Variants in CTNNA3 observed in about 807,000 individuals in gnomAD.
CTNNA3 encodes catenin alpha-3.
In CTNNA3, 76 loss-of-function variants were observed where a neutral mutation model predicts 95.7. The ratio of observed to expected loss-of-function variants is 0.79; its 90% CI spans 0.66 to 0.96. The LOEUF (loss-of-function observed/expected upper bound fraction) is 0.96. CTNNA3 is among the 40% of genes least tolerant of loss of function. The pLI, the probability that CTNNA3 is intolerant of heterozygous loss-of-function variation, is 0.00. For synonymous variants in CTNNA3, 431 were observed against 374.4 expected, an observed-to-expected ratio of 1.15 and a Z score of -1.74; for missense variants, 1,191 against 1,089.8, an observed-to-expected ratio of 1.09 and a Z score of -1.31.
At chr10:66,351,932 A>G (rs2092569867) in intron 12 of CTNNA3, among the ~76,000 whole-genome samples, 1 of 152,044 alleles carries the variant, frequency 6.6e-6, no homozygotes, top group African/African-American at 2.4e-5. Flanking sequence ...TATCAATTTC[A>G]CATGCATCCA....
intron 1 of CTNNA3, among the ~76,000 whole-genome samples, chr10:67,654,085 G>T (rs1031225729): frequency 6.6e-6 from 1 of 152,184 alleles, no homozygotes; most frequent in African/African-American, 2.4e-5. Flanking sequence ...CCCCTCAAGT[G>T]CAAGACAGCC....
At chr10:67,212,306 T>C (rs1864171712) in intron 6 of CTNNA3, among the ~76,000 whole-genome samples, 1 of 151,982 alleles carries the variant, frequency 6.6e-6, no homozygotes, top group Non-Finnish European at 1.5e-5. Flanking sequence ...CACTCCTCAA[T>C]ATTGCATAAA....
At chr10:66,860,819 A>T (rs1169850105) in intron 7 of CTNNA3, among the ~76,000 whole-genome samples, 3 of 152,164 alleles carry the variant, frequency 2.0e-5, no homozygotes, top group Admixed American at 1.3e-4. Flanking sequence ...ATTTTTTGTA[A>T]ATATTCAAAC....
intron 7 of CTNNA3, among the ~76,000 whole-genome samples, chr10:67,172,130 A>G (rs915148119): frequency 6.6e-6 from 1 of 152,186 alleles, no homozygotes; most frequent in African/African-American, 2.4e-5. Flanking sequence ...CAACTGTCTA[A>G]TGAGTACCTA....
At chr10:67,313,353 A>G (rs938746733) in intron 5 of CTNNA3, among the ~76,000 whole-genome samples, 9 of 151,630 alleles carry the variant, frequency 5.9e-5, no homozygotes, top group Non-Finnish European at 8.8e-5. Context: ...AATGGCATGA[A>G]CCCGGGAGGC....
intron 7 of CTNNA3, among the ~76,000 whole-genome samples, chr10:66,845,858 C>T (rs1843253260): frequency 1.3e-5 from 2 of 151,026 alleles, no homozygotes; most frequent in South Asian, 2.1e-4. Flanking sequence ...TGGCTGTAAG[C>T]GGTGGCTCAC....
At chr10:67,129,127 G>C (rs1467417413) in intron 7 of CTNNA3, among the ~76,000 whole-genome samples, 2 of 152,122 alleles carry the variant, frequency 1.3e-5, no homozygotes, top group East Asian at 3.9e-4. Flanking sequence ...CCCTGTGAGG[G>C]AAGGGACTGT....
At chr10:67,186,474 A>C (rs1309524968) in intron 6 of CTNNA3, among the ~76,000 whole-genome samples, 2 of 152,188 alleles carry the variant, frequency 1.3e-5, no homozygotes, top group East Asian at 3.8e-4. Context: ...GACATCTGAC[A>C]CCTATAGGCA....
At chr10:67,285,855 T>C (rs761049414) in intron 5 of CTNNA3, among the ~76,000 whole-genome samples, 10 of 152,172 alleles carry the variant, frequency 6.6e-5, no homozygotes, top group African/African-American at 1.4e-4. Flanking sequence ...CAGGACTCAA[T>C]GCAAAGTAAG....
chr10:66,221,011 C>T (rs552502030), intron 13 of CTNNA3, among the ~76,000 whole-genome samples: 20 of 152,312 alleles, frequency 1.3e-4, no homozygotes, highest in African/African-American at 4.8e-4. Context: ...GGATCGCCCG[C>T]TTCTACCCAG....
At chr10:67,179,931 C>T (rs1171401012) in intron 7 of CTNNA3, among the ~76,000 whole-genome samples, 1 of 152,148 alleles carries the variant, frequency 6.6e-6, no homozygotes, top group African/African-American at 2.4e-5. Context: ...TTATTGGATA[C>T]TAACTTCTAA....
chr10:66,501,556 A>G lies in CTNNA3; in HGVS notation c.1531+19061T>C, dbSNP rs144771573. ...AAGTATTTGTTGACTGACACAATAA[A>G]TGATTAACTTGTCAACACGAAAGTG... On this transcript the variant is annotated intron_variant, in intron 11 of 17. Transcript: ENST00000433211. Among the ~76,000 whole-genome samples the G allele has an allele frequency of 1.5e-3, 233 of 152,290 alleles. 1 individual carries two copies. The highest frequency in any genetic ancestry group is 3.7e-3 in the South Asian group (18 of 4,830).
intron 10 of CTNNA3, among the ~76,000 whole-genome samples, chr10:66,621,226 C>T (rs1844734872): frequency 6.6e-6 from 1 of 152,090 alleles, no homozygotes. Context: ...GACAAAGCAC[C>T]TTTGCCTCAG....
intron 1 of CTNNA3, among the ~76,000 whole-genome samples, chr10:67,703,470 T>C (rs530690612): frequency 5.3e-5 from 8 of 152,130 alleles, no homozygotes; most frequent in African/African-American, 9.6e-5. Context: ...GCTGGTTCAA[T>C]ATACGCAAAT....
At chr10:66,356,672 C>G (rs1265977938) in intron 12 of CTNNA3, among the ~76,000 whole-genome samples, 1 of 151,962 alleles carries the variant, frequency 6.6e-6, no homozygotes, top group East Asian at 1.9e-4. Context: ...AAATAACTAG[C>G]CTTGTCATGT....
intron 5 of CTNNA3, among the ~76,000 whole-genome samples, chr10:67,359,904 A>C (rs543620780): frequency 2.6e-5 from 4 of 152,244 alleles, no homozygotes; most frequent in African/African-American, 9.6e-5. Context: ...TTGTAATCAG[A>C]CTTTTCTAAG....
At chr10:67,737,332 C>T (rs1407603282) in intron 1 of CTNNA3, among the ~76,000 whole-genome samples, 4 of 151,816 alleles carry the variant, frequency 2.6e-5, no homozygotes, top group Non-Finnish European at 5.9e-5. Flanking sequence ...CCAAAAGATA[C>T]ACAATAGAGG....
chr10:65,928,364 C>T (rs773515962), intron 17 of CTNNA3, among the ~76,000 whole-genome samples: 44 of 152,078 alleles, frequency 2.9e-4, no homozygotes, highest in African/African-American at 8.2e-4. Context: ...CATACTATGA[C>T]GCTAACATCA....
At chr10:66,811,219 T>G (rs1240761375) in intron 7 of CTNNA3, among the ~76,000 whole-genome samples, 1 of 152,122 alleles carries the variant, frequency 6.6e-6, no homozygotes, top group African/African-American at 2.4e-5. Context: ...ACCAGTGTGG[T>G]GAGGGCTCTG....
Sources: allele counts gnomAD v4.1 joint callset (sites outside exome capture counted in the v4.1 genomes callset), GRCh38; gene constraint gnomAD v4.1.1; transcripts MANE v1.5; gene names NCBI Gene and HGNC (gene_info 2026-07-23, HGNC 2026-07-21).